Variants in ZNF608 observed in about 807,000 individuals in gnomAD.
The protein encoded by ZNF608 is renal carcinoma antigen NY-REN-36.
A neutral mutation model predicts 109.0 loss-of-function variants in ZNF608; 12 were observed. That is an observed-to-expected ratio of 0.11 (90% confidence interval 0.07 to 0.18). ZNF608 has a LOEUF of 0.18. Among genes scored for constraint, ZNF608 ranks in the 10% least tolerant of loss-of-function variants. The pLI is 1.00. For missense variants in ZNF608, 1,707 were observed against 1,879.3 expected (o/e 0.91, Z 1.70); for synonymous variants, 732 against 717.4 (o/e 1.02, Z -0.33).
At chr5:124,709,170 C>CCAAAAAAAA (rs1753387837) in intron 2 of ZNF608, among the ~76,000 whole-genome samples, 3 of 32,710 alleles carry the variant, frequency 9.2e-5, no homozygotes, top group African/African-American at 3.6e-4. Context: ...GACTCTGTCT[C>CCAAAAAAAA]AAAAAAAAAA....
chr5:124,722,584 C>T (rs984966498), intron 2 of ZNF608, among the ~76,000 whole-genome samples: 7 of 21,266 alleles, frequency 3.3e-4, no homozygotes, highest in African/African-American at 2.4e-3. Flanking sequence ...AATACACACA[C>T]ACACACACAC....
At chr5:124,671,863 C>T (rs1170431487) in intron 3 of ZNF608, among the ~76,000 whole-genome samples, 1 of 152,052 alleles carries the variant, frequency 6.6e-6, no homozygotes. Flanking sequence ...GTATCGAACT[C>T]CTGGGCTCAT....
At chr5:124,672,660 A>C (rs998405586) in intron 3 of ZNF608, among the ~76,000 whole-genome samples, 1 of 152,212 alleles carries the variant, frequency 6.6e-6, no homozygotes, top group Admixed American at 6.5e-5. Context: ...CACTCATCTC[A>C]TAGTACCAAT....
intron 2 of ZNF608, among the ~76,000 whole-genome samples, chr5:124,737,752 A>G (rs560463779): frequency 5.3e-5 from 8 of 152,354 alleles, no homozygotes; most frequent in South Asian, 2.1e-4. Flanking sequence ...CTCACTTTGG[A>G]TATGCAAGAG....
rs1208539332 is a variant in ZNF608, at chr5:124,637,743, T to C, written c.*157A>G. On this transcript the variant is annotated 3_prime_UTR_variant, in exon 10 of 10. Coordinates refer to ENST00000513986, the MANE Select transcript of ZNF608 (RefSeq NM_020747.3). ...AAACAGAAGTTTAATTACAGCAACA[T>C]TTGTTACTCTGTGATAAAATCTGTA... The C allele has an allele frequency of 4.3e-5, 25 of 578,032 alleles. No individual in the cohort carries two copies. In the East Asian group the frequency reaches 7.8e-4, roughly 18 times the overall value. The allele number at this position is 578,032 out of a possible 1,614,324, so 35.8% of individuals were successfully genotyped here.
intron 2 of ZNF608, among the ~76,000 whole-genome samples, chr5:124,737,554 G>GA (rs1481558388): frequency 6.6e-6 from 1 of 152,100 alleles, no homozygotes; most frequent in Non-Finnish European, 1.5e-5. Flanking sequence ...TCACTGGGGG[G>GA]AAAAGCCTTC....
At chr5:124,641,544 A>C (rs572215807) in intron 7 of ZNF608, 139 bp from the exon 8 acceptor site, 1 of 1,009,412 alleles carries the variant, frequency 9.9e-7, no homozygotes, top group South Asian at 2.1e-5. Context: ...TTAGTAACTA[A>C]AGAGAATTTC....
chr5:124,675,067 TA>T (rs1000832429), intron 3 of ZNF608, among the ~76,000 whole-genome samples: 9 of 152,024 alleles, frequency 5.9e-5, no homozygotes, highest in Middle Eastern at 3.4e-3. Flanking sequence ...AACAACTAAT[TA>T]AAAACAAATA....
chr5:124,656,595 C>T (rs181610456), intron 3 of ZNF608, among the ~76,000 whole-genome samples: 2 of 152,078 alleles, frequency 1.3e-5, no homozygotes, highest in East Asian at 3.9e-4. Flanking sequence ...ACAACGACAA[C>T]AAAAAATGAA....
Position 124,695,214 on chromosome 5 carries a change from G to A in ZNF608, c.1162+5800C>T, listed in dbSNP as rs543767486. 2.3e-4 allele frequency among the ~76,000 whole-genome samples: 35 copies of A among 152,236 alleles called. No homozygotes were observed. The South Asian group carries it at 7.3e-3, about 32-fold the overall frequency. ...AATACAGACATCTTATTCCTCTTGA[G>A]AGTCAAAGTTGAATTGATAAAGTCA... On this transcript the variant is annotated intron_variant, in intron 3 of 9. Coordinates refer to ENST00000513986, the MANE Select transcript of ZNF608 (RefSeq NM_020747.3).
chr5:124,661,498 G>T (rs1490441095), intron 3 of ZNF608, among the ~76,000 whole-genome samples: 1 of 140,492 alleles, frequency 7.1e-6, no homozygotes, highest in South Asian at 2.2e-4. Context: ...AAAAAAAAAA[G>T]CCCCACAGAG....
chr5:124,638,781 C>A (rs922392031), intron 9 of ZNF608: 3 of 1,032,534 alleles, frequency 2.9e-6, no homozygotes, highest in Non-Finnish European at 3.6e-6. Context: ...ACAAACATTA[C>A]CTTTAGCATT....
intron 2 of ZNF608, among the ~76,000 whole-genome samples, chr5:124,723,426 C>T: frequency 6.6e-6 from 1 of 151,990 alleles, no homozygotes; most frequent in East Asian, 1.9e-4. Context: ...AGTGGCTCAC[C>T]CCTGTAATCC....
At chr5:124,645,829 A>G (rs1217412807) in intron 5 of ZNF608, among the ~76,000 whole-genome samples, 5 of 152,140 alleles carry the variant, frequency 3.3e-5, no homozygotes, top group Non-Finnish European at 5.9e-5. Context: ...TAATATAGGG[A>G]GTAAGACTGA....
intron 3 of ZNF608, among the ~76,000 whole-genome samples, chr5:124,675,949 T>A (rs1406559769): frequency 6.6e-6 from 1 of 152,128 alleles, no homozygotes; most frequent in Non-Finnish European, 1.5e-5. Flanking sequence ...AGTCAAGAAA[T>A]GCCTTTCTGG....
At chr5:124,710,106 T>C (rs1457056762) in intron 2 of ZNF608, 1 of 395,250 alleles carries the variant, frequency 2.5e-6, no homozygotes, top group African/African-American at 2.1e-5. Context: ...GATAAATACA[T>C]TGTCCTTGTG....
intron 2 of ZNF608, among the ~76,000 whole-genome samples, chr5:124,718,719 G>C (rs1323871673): frequency 6.6e-6 from 1 of 152,096 alleles, no homozygotes; most frequent in African/African-American, 2.4e-5. Flanking sequence ...CAAGGAAGAA[G>C]CTGGCATCAG....
At chr5:124,690,924 A>AAC (rs35022360) in intron 3 of ZNF608, among the ~76,000 whole-genome samples, 9,433 of 86,910 alleles carry the variant, frequency 0.11, 405 homozygotes, top group South Asian at 0.16. Context: ...GCAACAGAAA[A>AAC]ACACACACAC....
intron 5 of ZNF608, 132 bp from the exon 6 acceptor site, chr5:124,644,793 T>C: frequency 2.5e-6 from 2 of 784,476 alleles, no homozygotes; most frequent in Non-Finnish European, 3.9e-6. Flanking sequence ...TTTATTTCTG[T>C]GCTAGACACT....
Sources: gnomAD v4.1 joint callset for allele counts (sites outside exome capture counted in the v4.1 genomes callset) on GRCh38, gnomAD v4.1.1 for gene constraint, MANE v1.5 for transcripts, NCBI Gene and HGNC (gene_info 2026-07-23, HGNC 2026-07-21) for gene names.